The following CALN1 variants were observed in gnomAD, a reference collection of about 807,000 sequenced individuals.
CALN1 encodes calcium-binding protein 8.
A neutral mutation model predicts 30.6 loss-of-function variants in CALN1; 17 were observed. The observed-to-expected ratio is 0.56, with a 90% confidence interval of 0.38 to 0.83. The LOEUF (loss-of-function observed/expected upper bound fraction) is 0.83. Among genes scored for constraint, CALN1 ranks in the 40% least tolerant of loss-of-function variants. The pLI, the probability that CALN1 is intolerant of heterozygous loss-of-function variation, is 0.00. For missense variants in CALN1, 291 were observed against 354.9 expected, an observed-to-expected ratio of 0.82 and a Z score of 1.45; for synonymous variants, 156 against 131.4, an observed-to-expected ratio of 1.19 and a Z score of -1.28.
At chr7:72,124,944 A>AT (rs372923522) in intron 3 of CALN1, among the ~76,000 whole-genome samples, 5 of 151,424 alleles carry the variant, frequency 3.3e-5, no homozygotes, top group South Asian at 2.1e-4. Flanking sequence ...ACAACTCATT[A>AT]TTTTTTTTTA....
intron 4 of CALN1, among the ~76,000 whole-genome samples, chr7:72,034,988 T>C (rs1014597458): frequency 1.3e-5 from 2 of 152,004 alleles, no homozygotes; most frequent in Non-Finnish European, 2.9e-5. Flanking sequence ...TATAAAAATA[T>C]CCAGACATGT....
chr7:71,802,258 C>G (rs2116079298), intron 6 of CALN1, among the ~76,000 whole-genome samples: 1 of 152,180 alleles, frequency 6.6e-6, no homozygotes, highest in South Asian at 2.1e-4. Context: ...CCATAGATGC[C>G]AGCAACTGGA....
chr7:72,304,553 G>A (rs1184654428), intron 2 of CALN1, among the ~76,000 whole-genome samples: 1 of 152,208 alleles, frequency 6.6e-6, no homozygotes, highest in Non-Finnish European at 1.5e-5. Context: ...CAGAATCACT[G>A]AGATGAAAAA....
In CALN1 at chr7:72,147,890, T is replaced by C. The variant is rs185569027; in HGVS notation, c.245-41596A>G. Among the ~76,000 whole-genome samples the C allele has an allele frequency of 2.2e-3, 311 of 140,908 alleles. 3 individuals carry two copies. Among genetic ancestry groups the C allele is most frequent in the African/African-American group, 6.8e-3 (253 of 37,332 alleles). The allele number at this position is 140,908 out of a possible 152,430, so 92.4% of individuals were successfully genotyped here. A position where few individuals can be genotyped will look rare whatever the true frequency, so the allele number is the denominator to read the frequency against. On this transcript the variant is annotated intron_variant, in intron 3 of 6. Transcript: ENST00000395275. ...GCATGTTCTCACTCACAGGTGGGAA[T>C]TGAACATTGACAACACTTGGACACA... is the stretch of plus-strand genomic sequence containing the variant.
chr7:72,178,288 T>C (rs949788438), intron 3 of CALN1, among the ~76,000 whole-genome samples: 5 of 152,146 alleles, frequency 3.3e-5, no homozygotes, highest in South Asian at 2.1e-4. Context: ...AAAGGGAAAT[T>C]CTGAGAAAGA....
chr7:72,113,243 C>T (rs1448780477), intron 3 of CALN1, among the ~76,000 whole-genome samples: 1 of 152,092 alleles, frequency 6.6e-6, no homozygotes, highest in Non-Finnish European at 1.5e-5. Context: ...CATGAGTCCT[C>T]AATTAGTTCC....
intron 2 of CALN1, among the ~76,000 whole-genome samples, chr7:72,367,287 G>C (rs6460717): frequency 0.57 from 85,817 of 151,704 alleles, 24,517 homozygotes; most frequent in East Asian, 0.73. Flanking sequence ...AGGAGTTCGA[G>C]AATAACCTGG....
At chr7:72,338,704 A>G (rs891742647) in intron 2 of CALN1, among the ~76,000 whole-genome samples, 1 of 152,002 alleles carries the variant, frequency 6.6e-6, no homozygotes, top group Admixed American at 6.6e-5. Context: ...GTACATATTT[A>G]TGGGGTACAT....
intron 2 of CALN1, among the ~76,000 whole-genome samples, chr7:72,386,170 A>G (rs891667514): frequency 9.9e-5 from 15 of 152,238 alleles, no homozygotes; most frequent in Non-Finnish European, 1.9e-4. Flanking sequence ...AATTGTGGAT[A>G]CATGACAATA....
intron 2 of CALN1, among the ~76,000 whole-genome samples, chr7:72,376,508 C>T (rs1227054736): frequency 6.6e-6 from 1 of 152,166 alleles, no homozygotes; most frequent in Non-Finnish European, 1.5e-5. Context: ...ACTTGTGTAT[C>T]TTCTTTGGAG....
At chr7:71,883,918 T>C (rs2116834025) in intron 5 of CALN1, among the ~76,000 whole-genome samples, 1 of 152,196 alleles carries the variant, frequency 6.6e-6, no homozygotes, top group South Asian at 2.1e-4. Context: ...GCCTCTTTCC[T>C]TCCTTCCTTT....
intron 5 of CALN1, among the ~76,000 whole-genome samples, chr7:71,996,050 C>T (rs1344591394): frequency 6.6e-6 from 1 of 152,130 alleles, no homozygotes; most frequent in East Asian, 1.9e-4. Context: ...ACCCCAGCAG[C>T]CCTGTATAAA....
At chr7:71,824,111 C>T (rs1788770313) in intron 5 of CALN1, among the ~76,000 whole-genome samples, 1 of 152,094 alleles carries the variant, frequency 6.6e-6, no homozygotes, top group Non-Finnish European at 1.5e-5. Flanking sequence ...GTTACCCAGG[C>T]TGATCTCGAA....
At position 71,780,310 on chromosome 7, in the gene CALN1, A is replaced by G. The variant is rs915913992; in HGVS notation, c.*7465T>C. 2.6e-5 allele frequency: 4 copies of G among 152,214 alleles called. No homozygotes were observed. Among genetic ancestry groups the G allele is most frequent in the African/African-American group, 9.7e-5 (4 of 41,450 alleles). 9.4% of individuals were successfully genotyped at this position (152,214 alleles called of 1,614,324 possible). ...AGCTGACAGGATCCTTTCTTGGCCA[A>G]TCTAGGTCTTTCCCAGGGAGAACAA... On this transcript the variant is annotated 3_prime_UTR_variant, in exon 7 of 7. Transcript: ENST00000395275.
intron 4 of CALN1, among the ~76,000 whole-genome samples, chr7:72,048,959 C>T (rs1197805927): frequency 6.6e-6 from 1 of 152,050 alleles, no homozygotes; most frequent in Non-Finnish European, 1.5e-5. Flanking sequence ...TACAGGTGCA[C>T]ACCACCATGC....
At chr7:71,821,235 C>T (rs564458532) in intron 5 of CALN1, among the ~76,000 whole-genome samples, 1 of 152,252 alleles carries the variant, frequency 6.6e-6, no homozygotes, top group African/African-American at 2.4e-5. Flanking sequence ...ATTCAGAGGA[C>T]ATCAAGATGA....
intron 5 of CALN1, among the ~76,000 whole-genome samples, chr7:71,871,883 A>G (rs1791953010): frequency 1.3e-5 from 2 of 151,890 alleles, no homozygotes; most frequent in Non-Finnish European, 2.9e-5. Flanking sequence ...GCTTTTTACC[A>G]TAATATATTT....
At chr7:72,407,825 G>A (rs574808925) in intron 1 of CALN1, among the ~76,000 whole-genome samples, 2 of 152,146 alleles carry the variant, frequency 1.3e-5, no homozygotes, top group African/African-American at 4.8e-5. Context: ...ATGGAGGTGG[G>A]ATGTGTGGAA....
At chr7:72,082,656 A>G (rs1483215925) in intron 4 of CALN1, among the ~76,000 whole-genome samples, 1 of 152,202 alleles carries the variant, frequency 6.6e-6, no homozygotes, top group East Asian at 1.9e-4. Context: ...CATTGCTCGC[A>G]TCACAAGCTC....
Sources: gnomAD v4.1 joint callset for allele counts (sites outside exome capture counted in the v4.1 genomes callset) on GRCh38, gnomAD v4.1.1 for gene constraint, MANE v1.5 for transcripts, NCBI Gene and HGNC (gene_info 2026-07-23, HGNC 2026-07-21) for gene names.